PRUNE1: variants seen among roughly 807,000 people sequenced by gnomAD.
The protein encoded by PRUNE1 is prune exopolyphosphatase 1.
A neutral mutation model predicts 42.5 loss-of-function variants in PRUNE1; 25 were observed. That is an observed-to-expected ratio of 0.59 (90% confidence interval 0.43 to 0.82). The LOEUF (loss-of-function observed/expected upper bound fraction) is 0.82, where lower values mean the gene tolerates loss of function less well. Among genes scored for constraint, PRUNE1 ranks in the 40% least tolerant of loss-of-function variants. The pLI, the probability that PRUNE1 is intolerant of heterozygous loss-of-function variation, is 0.00. For missense variants in PRUNE1, 443 were observed against 539.3 expected (o/e 0.82, Z 1.77); for synonymous variants, 203 against 217.1 (o/e 0.93, Z 0.57).
At chr1:151,025,903 G>A (rs1268589381) in intron 5 of PRUNE1, among the ~76,000 whole-genome samples, 2 of 151,796 alleles carry the variant, frequency 1.3e-5, no homozygotes, top group African/African-American at 4.8e-5. Flanking sequence ...ACCACGCCCA[G>A]CTAATTTTGG....
At chr1:151,011,325 T>TA (rs906786031) in intron 1 of PRUNE1, among the ~76,000 whole-genome samples, 29 of 151,508 alleles carry the variant, frequency 1.9e-4, no homozygotes, top group South Asian at 6.3e-4. Context: ...GATGTTCCAT[T>TA]AAAAAAAAAT....
intron 1 of PRUNE1, among the ~76,000 whole-genome samples, chr1:151,013,979 C>T (rs984701134): frequency 6.6e-6 from 1 of 150,450 alleles, no homozygotes; most frequent in Admixed American, 6.6e-5. Flanking sequence ...CCTTTGCTTC[C>T]ACACTTTTTT....
intron 3 of PRUNE1, among the ~76,000 whole-genome samples, chr1:151,024,176 G>A (rs1674668755): frequency 7.6e-6 from 1 of 130,824 alleles, no homozygotes; most frequent in South Asian, 2.8e-4. Context: ...AACAGAGTGA[G>A]ACTCCGTCTC....
At chr1:151,016,744 C>T (rs1456124799) in intron 1 of PRUNE1, among the ~76,000 whole-genome samples, 1 of 151,434 alleles carries the variant, frequency 6.6e-6, no homozygotes, top group South Asian at 2.1e-4. Context: ...TTAGGTGATC[C>T]GCCCGCCTCA....
intron 7 of PRUNE1, among the ~76,000 whole-genome samples, chr1:151,031,094 G>C (rs1675210495): frequency 6.6e-6 from 1 of 151,904 alleles, no homozygotes; most frequent in South Asian, 2.1e-4. Flanking sequence ...TTTTAAAGCT[G>C]TGTGGATTTC....
intron 3 of PRUNE1, among the ~76,000 whole-genome samples, chr1:151,019,915 C>G (rs1002086886): frequency 1.3e-5 from 2 of 150,542 alleles, no homozygotes; most frequent in African/African-American, 4.9e-5. Context: ...GCAACAACCT[C>G]TGCCTCCTGG....
At chr1:151,011,042 G>C (rs1318444996) in intron 1 of PRUNE1, among the ~76,000 whole-genome samples, 3 of 152,140 alleles carry the variant, frequency 2.0e-5, no homozygotes, top group Non-Finnish European at 4.4e-5. Context: ...AAAAGATAAA[G>C]ATCATTTTTC....
At chr1:151,011,865 G>A (rs999390876) in intron 1 of PRUNE1, among the ~76,000 whole-genome samples, 4 of 150,964 alleles carry the variant, frequency 2.6e-5, no homozygotes, top group South Asian at 2.1e-4. Context: ...TGCAACCTCC[G>A]CCTGCCAGGT....
At chr1:151,013,893 G>A (rs1054301988) in intron 1 of PRUNE1, among the ~76,000 whole-genome samples, 1 of 152,136 alleles carries the variant, frequency 6.6e-6, no homozygotes, top group Non-Finnish European at 1.5e-5. Context: ...TAGGACTGGG[G>A]TATTGGGTAG....
chr1:151,014,734 ACCC>A, intron 1 of PRUNE1, among the ~76,000 whole-genome samples: 1 of 152,278 alleles, frequency 6.6e-6, no homozygotes, highest in East Asian at 1.9e-4. Flanking sequence ...CCTTCTTGTA[ACCC>A]AGTAGTTCTC....
At chr1:151,027,781 T>TGTGTGTGTGTGCGC (rs764369341) in intron 6 of PRUNE1, among the ~76,000 whole-genome samples, 51 of 142,530 alleles carry the variant, frequency 3.6e-4, no homozygotes, top group African/African-American at 1.3e-3. Flanking sequence ...TGTGTGTGTG[T>TGTGTGTGTGTGCGC]GCGCGCGCGT....
intron 1 of PRUNE1, among the ~76,000 whole-genome samples, chr1:151,013,079 T>C (rs1160054556): frequency 6.6e-6 from 1 of 152,154 alleles, no homozygotes; most frequent in African/African-American, 2.4e-5. Context: ...CATTTTTATA[T>C]GAGGAAAATG....
chr1:151,022,740 TA>T (rs1174958390), intron 3 of PRUNE1: 2 of 119,762 alleles, frequency 1.7e-5, no homozygotes, highest in African/African-American at 2.5e-5. Context: ...TAAATATATA[TA>T]TTTTTTTTTT....
In PRUNE1 at chr1:151,035,374, T is replaced by C. The variant is rs1419131189; in HGVS notation, c.*1140T>C. 1.3e-5 allele frequency: 2 copies of C among 152,312 alleles called. 1 individual carries two copies. The highest frequency in any genetic ancestry group is 4.8e-5 in the African/African-American group (2 of 41,450). The allele number at this position is 152,312 out of a possible 1,614,324, so 9.4% of individuals were successfully genotyped here. ...GTAGCACGAATAGGGGTGTGGTTCATGGCGTGTTGACCCAGCAGAGCACTC... is the reference window on the plus strand; with the variant it reads ...GTAGCACGAATAGGGGTGTGGTTCACGGCGTGTTGACCCAGCAGAGCACTC... On this transcript the variant is annotated 3_prime_UTR_variant, in exon 8 of 8. Transcript: ENST00000271620.
intron 1 of PRUNE1, among the ~76,000 whole-genome samples, chr1:151,016,236 CAAAAA>C (rs1028998467): frequency 7.0e-6 from 1 of 143,714 alleles, no homozygotes; most frequent in Admixed American, 6.9e-5. Flanking sequence ...GACCCTGTCT[CAAAAA>C]AAAAAAGTAA....
chr1:151,030,541 A>G (rs1281097827), intron 7 of PRUNE1, among the ~76,000 whole-genome samples: 1 of 151,978 alleles, frequency 6.6e-6, no homozygotes, highest in Non-Finnish European at 1.5e-5. Context: ...CCCAGGCTTG[A>G]GTACAGTGGT....
chr1:151,029,418 G>A (rs587678036), intron 7 of PRUNE1, among the ~76,000 whole-genome samples: 10 of 148,820 alleles, frequency 6.7e-5, no homozygotes, highest in South Asian at 2.2e-4. Context: ...CCCAGGCTGG[G>A]GTGCAGTGGC....
rs988161586 is a variant in PRUNE1, at chr1:151,024,648, C to T, written c.373C>T (p.Leu125=). ...CCTAGAGGAGGCAGTAGCAGAGGTG[C>T]TAGACCATCGACCCATCGAGCCGAA... ...TALEEAVAEV[L]DHRPIEPKHC... is the part of the protein sequence containing the mutation. The change falls in exon 4 of 8, where the codon CTA becomes TTA. Residue 125 remains leucine (L), a synonymous_variant. Coordinates refer to ENST00000271620, the MANE Select transcript of PRUNE1 (RefSeq NM_021222.3). 2.0e-5 allele frequency: 33 copies of T among 1,613,050 alleles called. No individual in the cohort carries two copies. The highest frequency in any genetic ancestry group is 2.5e-5 in the Non-Finnish European group (30 of 1,179,130).
rs202211288 is a variant in PRUNE1, at chr1:151,034,102, G to A, written c.1230G>A (p.Thr410=). 6 of 1,614,038 alleles carry A rather than the reference G, an allele frequency of 3.7e-6. No individual in the cohort carries two copies. The highest frequency in any genetic ancestry group is 2.2e-5 in the East Asian group (1 of 44,890). The part of the protein sequence containing the change: ...QDEEDPPLPP[T]PMNSLVDECP... ...AGGAGGACCCTCCGCTGCCCCCGAC[G>A]CCCATGAACAGCTTGGTGGATGAGT... is the stretch of plus-strand genomic sequence containing the variant. Residue 410 remains threonine (T), a synonymous_variant, in exon 8 of 8, where the codon ACG becomes ACA. Coordinates refer to ENST00000271620, the MANE Select transcript of PRUNE1 (RefSeq NM_021222.3).
Sources: gnomAD v4.1 joint callset for allele counts (sites outside exome capture counted in the v4.1 genomes callset) on GRCh38, gnomAD v4.1.1 for gene constraint, MANE v1.5 for transcripts, NCBI Gene and HGNC (gene_info 2026-07-23, HGNC 2026-07-21) for gene names.